The following MGMT variants were observed in gnomAD, a reference collection of about 807,000 sequenced individuals.
The protein encoded by MGMT is O-6-methylguanine-DNA methyltransferase.
In MGMT, 14 loss-of-function variants were observed where a neutral mutation model predicts 15.9. That is an observed-to-expected ratio of 0.88 (90% CI 0.58 to 1.37). The LOEUF (loss-of-function observed/expected upper bound fraction) is 1.37. MGMT is among the 40% of genes most tolerant of loss of function. The pLI, the probability that MGMT is intolerant of heterozygous loss-of-function variation, is 0.00. For missense variants in MGMT, 282 were observed against 268.1 expected (o/e 1.05, Z -0.36); for synonymous variants, 130 against 118.2 (o/e 1.10, Z -0.65).
rs75623825 is a variant in MGMT at position 129,612,950 on chromosome 10, C to T, written c.125+76573C>T. 1.6e-4 allele frequency among the ~76,000 whole-genome samples: 25 copies of T among 152,286 alleles called. No individual in the cohort carries two copies. In the East Asian group the frequency reaches 4.6e-3, roughly 28 times the overall value. The stretch of plus-strand genomic sequence containing the variant: ...TCACAGCTGCGGTGACATCCTGTAA[C>T]ATTGTTTGGTCCTTGCTTAAATCAG... On this transcript the variant is annotated intron_variant, in intron 2 of 4. Coordinates refer to ENST00000651593, the MANE Select transcript of MGMT (RefSeq NM_002412.5).
chr10:129,646,750 ATATATTT>A (rs1847396969), intron 2 of MGMT, among the ~76,000 whole-genome samples: 1 of 75,894 alleles, frequency 1.3e-5, no homozygotes, highest in Non-Finnish European at 2.9e-5. Flanking sequence ...ATATATATAT[ATATATTT>A]TCAGGGAATG....
At chr10:129,673,368 CCTTT>C (rs1482719018) in intron 2 of MGMT, among the ~76,000 whole-genome samples, 1 of 152,242 alleles carries the variant, frequency 6.6e-6, no homozygotes, top group East Asian at 1.9e-4. Flanking sequence ...TCCCCATCTT[CCTTT>C]CTGAGACATG....
chr10:129,676,712 C>T (rs1467958384), intron 2 of MGMT, among the ~76,000 whole-genome samples: 1 of 152,048 alleles, frequency 6.6e-6, no homozygotes, highest in African/African-American at 2.4e-5. Flanking sequence ...AGAAAAAGCA[C>T]ATGAGGAAAT....
rs779174243 is a variant in MGMT at position 129,768,792 on chromosome 10, G to A, written c.*1795G>A. ...TGCTGGAGGATGGATTTGAAGGAGG[G>A]TGGCTGGGCGGCACCCCGATGGCTC... On this transcript the variant is annotated 3_prime_UTR_variant, in exon 5 of 5. Coordinates refer to ENST00000651593, the MANE Select transcript of MGMT (RefSeq NM_002412.5). The A allele has an allele frequency of 3.9e-5, 6 of 152,450 alleles. No individual in the cohort carries two copies. Among genetic ancestry groups the A allele is most frequent in the Admixed American group, 1.3e-4 (2 of 15,290 alleles). 9.4% of individuals were successfully genotyped at this position (152,450 alleles called of 1,614,324 possible). A position where few individuals can be genotyped will look rare whatever the true frequency, so the allele number is the denominator to read the frequency against.
At chr10:129,762,900 G>A (rs1470610149) in intron 4 of MGMT, among the ~76,000 whole-genome samples, 1 of 152,044 alleles carries the variant, frequency 6.6e-6, no homozygotes, top group African/African-American at 2.4e-5. Flanking sequence ...ACAGCTTCTC[G>A]GTGTCACTTG....
chr10:129,499,098 G>A (rs906688535), intron 1 of MGMT, among the ~76,000 whole-genome samples: 7 of 152,084 alleles, frequency 4.6e-5, no homozygotes, highest in African/African-American at 1.7e-4. Context: ...TGCTTATATG[G>A]TGGCTTCCTT....
At chr10:129,498,280 T>C (rs918593138) in intron 1 of MGMT, among the ~76,000 whole-genome samples, 1 of 152,244 alleles carries the variant, frequency 6.6e-6, no homozygotes, top group East Asian at 1.9e-4. Flanking sequence ...CTCTTGGTAA[T>C]TGAAGTTTTC....
At chr10:129,593,170 C>T (rs1342171242) in intron 2 of MGMT, among the ~76,000 whole-genome samples, 1 of 152,154 alleles carries the variant, frequency 6.6e-6, no homozygotes, top group Non-Finnish European at 1.5e-5. Context: ...CTTCGGGCAT[C>T]CTATGCCCTG....
In MGMT at chr10:129,534,372, C is replaced by T. The variant is rs74160213; in HGVS notation, c.-12-1869C>T. Among the ~76,000 whole-genome samples, 1,126 of 152,156 alleles carry T rather than the reference C, an allele frequency of 7.4e-3. 20 individuals are homozygous for T. Among genetic ancestry groups the T allele is most frequent in the African/African-American group, 0.026 (1,086 of 41,528 alleles). ...TGATGGGGCATGGTTTCTGGCACAT[C>T]CCATTTCCATATTCTGGGGTGATCG... On this transcript the variant is annotated intron_variant, in intron 1 of 4. Transcript: ENST00000651593.
chr10:129,540,073 C>T (rs150618457), intron 2 of MGMT, among the ~76,000 whole-genome samples: 2 of 152,272 alleles, frequency 1.3e-5, no homozygotes, highest in African/African-American at 4.8e-5. Context: ...TCATTGTCCT[C>T]GGCAGCGTTG....
chr10:129,737,558 A>G (rs1194652433), intron 3 of MGMT, among the ~76,000 whole-genome samples: 1 of 152,206 alleles, frequency 6.6e-6, no homozygotes. Context: ...TCAACTCGTC[A>G]AAGTCATTCT....
At chr10:129,488,706 C>T (rs911014607) in intron 1 of MGMT, among the ~76,000 whole-genome samples, 4 of 152,206 alleles carry the variant, frequency 2.6e-5, no homozygotes, top group Non-Finnish European at 4.4e-5. Flanking sequence ...TTTTCATATA[C>T]AAGTCTGCAG....
chr10:129,754,560 A>G (rs570865292), intron 3 of MGMT, among the ~76,000 whole-genome samples: 65 of 152,348 alleles, frequency 4.3e-4, no homozygotes, highest in African/African-American at 1.5e-3. Context: ...CGCCCTGAAC[A>G]TAGTTGTCTC....
chr10:129,740,274 G>A (rs964369), intron 3 of MGMT, among the ~76,000 whole-genome samples: 1 of 151,794 alleles, frequency 6.6e-6, no homozygotes, highest in Non-Finnish European at 1.5e-5. Context: ...TGGGCCCTGG[G>A]TGCCTGGGCC....
chr10:129,575,826 G>A (rs1297757006), intron 2 of MGMT, among the ~76,000 whole-genome samples: 1 of 151,960 alleles, frequency 6.6e-6, no homozygotes, highest in African/African-American at 2.4e-5. Flanking sequence ...GAATCAAATA[G>A]ACGCAATAAA....
chr10:129,647,397 C>A (rs1440903465), intron 2 of MGMT, among the ~76,000 whole-genome samples: 1 of 152,162 alleles, frequency 6.6e-6, no homozygotes, highest in East Asian at 1.9e-4. Context: ...CCCCAGGTGG[C>A]GTGTGCTGGG....
intron 4 of MGMT, among the ~76,000 whole-genome samples, chr10:129,762,416 T>G (rs140524446): frequency 1.3e-5 from 2 of 152,294 alleles, no homozygotes; most frequent in East Asian, 3.9e-4. Context: ...AAGGGATGGC[T>G]TTTGCCATGC....
At chr10:129,546,358 A>C (rs962296068) in intron 2 of MGMT, among the ~76,000 whole-genome samples, 2 of 152,144 alleles carry the variant, frequency 1.3e-5, no homozygotes, top group Non-Finnish European at 2.9e-5. Context: ...GGGCTGACCG[A>C]GTTAGGACAT....
intron 3 of MGMT, among the ~76,000 whole-genome samples, chr10:129,752,003 A>G (rs1364251124): frequency 6.6e-6 from 1 of 151,988 alleles, no homozygotes; most frequent in East Asian, 1.9e-4. Context: ...AGTGTTCTGT[A>G]AATATCCATT....
Sources: allele counts gnomAD v4.1 joint callset (sites outside exome capture counted in the v4.1 genomes callset), GRCh38; gene constraint gnomAD v4.1.1; transcripts MANE v1.5; gene names NCBI Gene and HGNC (gene_info 2026-07-23, HGNC 2026-07-21).